The following SGCZ variants were observed in gnomAD, a reference collection of about 807,000 sequenced individuals.
SGCZ encodes the protein sarcoglycan zeta.
Under a neutral mutation model 41.3 loss-of-function variants are expected in SGCZ, and 40 were observed. The ratio of observed to expected loss-of-function variants is 0.97; its 90% CI spans 0.75 to 1.26. The LOEUF (loss-of-function observed/expected upper bound fraction) is 1.26, where lower values mean the gene tolerates loss of function less well. SGCZ is among the 50% of genes most tolerant of loss of function. SGCZ has a pLI of 0.00. For synonymous variants in SGCZ, 206 were observed against 137.5 expected, an observed-to-expected ratio of 1.50 and a Z score of -3.49; for missense variants, 552 against 369.8, an observed-to-expected ratio of 1.49 and a Z score of -4.04.
At chr8:14,944,695 G>T (rs1446922756) in intron 1 of SGCZ, among the ~76,000 whole-genome samples, 1 of 152,016 alleles carries the variant, frequency 6.6e-6, no homozygotes, top group Admixed American at 6.6e-5. Flanking sequence ...TTTAACACAG[G>T]GTTACATCCT....
chr8:14,554,902 C>T lies in SGCZ; in HGVS notation c.64G>A (p.Ala22Thr), dbSNP rs1486435421. The part of the protein sequence containing the change: ...LKMTREQYIL[A>T]TQQNNLPRTE... ...CTTGGCAGGTTATTCTGTTGGGTTG[C>T]TAGTATGTATTGTTCTCGTGTCATC... Residue 22 changes from alanine (A) to threonine (T), a missense_variant, in exon 2 of 8, where the codon GCA becomes ACA. By Grantham distance (58) the Ala-to-Thr change is moderately conservative. Coordinates refer to ENST00000382080, the MANE Select transcript of SGCZ (RefSeq NM_139167.4). 1.2e-6 allele frequency: 2 copies of T among 1,609,378 alleles called. No homozygotes were observed. Among genetic ancestry groups the T allele is most frequent in the African/African-American group, 2.7e-5 (2 of 73,926 alleles).
chr8:14,661,785 T>C (rs1807759079), intron 1 of SGCZ, among the ~76,000 whole-genome samples: 1 of 151,952 alleles, frequency 6.6e-6, no homozygotes, highest in South Asian at 2.1e-4. Flanking sequence ...ATTCACAAAA[T>C]GTTTAACCCA....
chr8:15,153,775 G>C (rs1056261236), intron 1 of SGCZ, among the ~76,000 whole-genome samples: 1 of 152,050 alleles, frequency 6.6e-6, no homozygotes, highest in African/African-American at 2.4e-5. Flanking sequence ...CTGGCACCAT[G>C]CTTCCTGTAT....
chr8:14,391,244 C>T (rs891567790), intron 2 of SGCZ, among the ~76,000 whole-genome samples: 27 of 152,050 alleles, frequency 1.8e-4, no homozygotes, highest in Admixed American at 1.8e-3. Context: ...AACATTTATT[C>T]CCAAATAGGT....
intron 1 of SGCZ, among the ~76,000 whole-genome samples, chr8:14,560,955 T>C (rs1804190162): frequency 1.3e-5 from 2 of 152,172 alleles, no homozygotes; most frequent in Non-Finnish European, 2.9e-5. Context: ...AGTTTAACAT[T>C]ATTATTTTAT....
chr8:14,152,350 C>A (rs1484523743), intron 5 of SGCZ, among the ~76,000 whole-genome samples: 1 of 152,106 alleles, frequency 6.6e-6, no homozygotes, highest in Non-Finnish European at 1.5e-5. Context: ...ATGTCATGAG[C>A]TATTAAGGAA....
At chr8:15,203,544 G>T (rs145458673) in intron 1 of SGCZ, among the ~76,000 whole-genome samples, 135 of 152,258 alleles carry the variant, frequency 8.9e-4, no homozygotes, top group African/African-American at 3.0e-3. Flanking sequence ...AATAGCACAG[G>T]CTACTTAAAA....
At chr8:15,220,460 T>C (rs1196917933) in intron 1 of SGCZ, among the ~76,000 whole-genome samples, 1 of 152,138 alleles carries the variant, frequency 6.6e-6, no homozygotes, top group Non-Finnish European at 1.5e-5. Flanking sequence ...CCTTGCCCCA[T>C]TTCTAACTGC....
At chr8:14,956,165 G>C (rs747602555) in intron 1 of SGCZ, among the ~76,000 whole-genome samples, 2 of 150,018 alleles carry the variant, frequency 1.3e-5, no homozygotes, top group Non-Finnish European at 3.0e-5. Flanking sequence ...TCAGACTCCC[G>C]AGTATCTGGG....
intron 1 of SGCZ, among the ~76,000 whole-genome samples, chr8:14,818,309 T>C (rs2130559755): frequency 6.6e-6 from 1 of 152,258 alleles, no homozygotes; most frequent in Middle Eastern, 3.4e-3. Flanking sequence ...CAAGCAATAC[T>C]GTGCCACCAC....
At chr8:14,445,474 A>G (rs1800404093) in intron 2 of SGCZ, among the ~76,000 whole-genome samples, 1 of 152,100 alleles carries the variant, frequency 6.6e-6, no homozygotes, top group Non-Finnish European at 1.5e-5. Flanking sequence ...TTTAACTTTG[A>G]GGAAGTGGTG....
intron 1 of SGCZ, among the ~76,000 whole-genome samples, chr8:15,014,278 C>T (rs554027029): frequency 2.6e-5 from 4 of 152,238 alleles, no homozygotes; most frequent in Admixed American, 6.5e-5. Flanking sequence ...TCCATGGAGG[C>T]CAAGGGATGT....
intron 2 of SGCZ, among the ~76,000 whole-genome samples, chr8:14,434,287 G>T (rs536567225): frequency 6.6e-6 from 1 of 152,074 alleles, no homozygotes; most frequent in African/African-American, 2.4e-5. Context: ...AAGCATTTGG[G>T]TTTATTTCTG....
rs572497169 is a variant in SGCZ, at chr8:14,880,089, C to T, written c.40-325163G>A. ...CTCCTGATCTCAGGTAATCTGCCCA[C>T]CTTGGCCTTCCAAAGTGCTGGGAAT... On this transcript the variant is annotated intron_variant, in intron 1 of 7. Transcript: ENST00000382080. Among the ~76,000 whole-genome samples, 6 of 152,288 alleles carry T rather than the reference C, an allele frequency of 3.9e-5. No individual in the cohort carries two copies. The South Asian group carries it at 1.2e-3, about 32-fold the overall frequency.
At chr8:14,478,040 G>C (rs1025853045) in intron 2 of SGCZ, among the ~76,000 whole-genome samples, 3 of 152,210 alleles carry the variant, frequency 2.0e-5, no homozygotes, top group African/African-American at 2.4e-5. Context: ...ATGAAAAGCA[G>C]AGAGCACCAA....
intron 1 of SGCZ, among the ~76,000 whole-genome samples, chr8:15,156,425 T>C (rs1035886107): frequency 3.3e-5 from 5 of 152,200 alleles, no homozygotes; most frequent in African/African-American, 7.2e-5. Flanking sequence ...CAAGAAAGAC[T>C]CATTTTATCA....
intron 1 of SGCZ, among the ~76,000 whole-genome samples, chr8:15,156,944 C>CAAA (rs1204736250): frequency 1.2e-4 from 11 of 89,900 alleles, no homozygotes; most frequent in African/African-American, 3.4e-4. Flanking sequence ...AACTCTGTCT[C>CAAA]AAAAAAAAAA....
intron 1 of SGCZ, among the ~76,000 whole-genome samples, chr8:15,112,522 A>T (rs1392310159): frequency 6.6e-6 from 1 of 152,172 alleles, no homozygotes; most frequent in Non-Finnish European, 1.5e-5. Flanking sequence ...TCTCCTTATG[A>T]ATCTGAACTC....
At chr8:14,947,460 C>T (rs1223297398) in intron 1 of SGCZ, among the ~76,000 whole-genome samples, 2 of 152,118 alleles carry the variant, frequency 1.3e-5, no homozygotes, top group African/African-American at 2.4e-5. Flanking sequence ...GACATAAAAG[C>T]GCTCAGTCTC....
Sources: gnomAD v4.1 joint callset for allele counts (sites outside exome capture counted in the v4.1 genomes callset) on GRCh38, gnomAD v4.1.1 for gene constraint, MANE v1.5 for transcripts, NCBI Gene and HGNC (gene_info 2026-07-23, HGNC 2026-07-21) for gene names.